ZMAT4: variants seen among roughly 807,000 people sequenced by gnomAD.
ZMAT4 encodes the protein zinc finger matrin-type 4, also known as zinc finger matrin-type protein 4.
In ZMAT4, 17 loss-of-function variants were observed where a neutral mutation model predicts 28.7. The ratio of observed to expected loss-of-function variants is 0.59; its 90% CI spans 0.41 to 0.89. The LOEUF is 0.89. Ranked by LOEUF, ZMAT4 falls within the 40% of genes least tolerant of loss-of-function variation. The pLI, the probability that ZMAT4 is intolerant of heterozygous loss-of-function variation, is 0.00. For missense variants in ZMAT4, 240 were observed against 283.8 expected, an observed-to-expected ratio of 0.85 and a Z score of 1.11; for synonymous variants, 117 against 109.2, an observed-to-expected ratio of 1.07 and a Z score of -0.44.
At chr8:40,742,219 G>T (rs1000319508) in intron 3 of ZMAT4, among the ~76,000 whole-genome samples, 1 of 151,900 alleles carries the variant, frequency 6.6e-6, no homozygotes, top group African/African-American at 2.4e-5. Flanking sequence ...CCGCACTCCA[G>T]CCTGGGTGAC....
At chr8:40,623,695 T>A (rs532461856) in intron 5 of ZMAT4, among the ~76,000 whole-genome samples, 1 of 152,254 alleles carries the variant, frequency 6.6e-6, no homozygotes, top group African/African-American at 2.4e-5. Flanking sequence ...TCTTGGTTGT[T>A]GGAAATCTGT....
chr8:40,814,664 A>G (rs1171294008), intron 2 of ZMAT4, among the ~76,000 whole-genome samples: 1 of 152,214 alleles, frequency 6.6e-6, no homozygotes, highest in Non-Finnish European at 1.5e-5. Context: ...CATTTCTGAA[A>G]AAGATATAAA....
At position 40,613,807 on chromosome 8, in the gene ZMAT4, C is replaced by T. The variant is rs529721750; in HGVS notation, c.578-32546G>A. ...TTGAGGGAATCACTGCACTGGAGGG[C>T]GTGGAATTAGCATCCAAGCCAGCCT... On this transcript the variant is annotated intron_variant, in intron 5 of 6. Coordinates refer to ENST00000297737, the MANE Select transcript of ZMAT4 (RefSeq NM_024645.3). 3.5e-4 allele frequency among the ~76,000 whole-genome samples: 53 copies of T among 152,256 alleles called. 2 individuals carry two copies. The South Asian group carries it at 9.3e-3, about 27-fold the overall frequency.
chr8:40,596,661 C>G (rs778438089), intron 5 of ZMAT4, among the ~76,000 whole-genome samples: 4 of 152,104 alleles, frequency 2.6e-5, no homozygotes, highest in African/African-American at 4.8e-5. Context: ...TTGACAAAAC[C>G]TTGTTATGTG....
chr8:40,685,320 C>A (rs1237691077), intron 4 of ZMAT4, among the ~76,000 whole-genome samples: 2 of 152,138 alleles, frequency 1.3e-5, no homozygotes, highest in Non-Finnish European at 2.9e-5. Context: ...CACCCCTACA[C>A]CACTGCTTCT....
At chr8:40,824,743 GAAAAGAAAAA>G (rs1563510120) in intron 2 of ZMAT4, among the ~76,000 whole-genome samples, 2 of 138,160 alleles carry the variant, frequency 1.4e-5, no homozygotes, top group African/African-American at 5.4e-5. Context: ...AAGAAAGAAA[GAAAAGAAAAA>G]AAGAAAGAAA....
chr8:40,823,307 A>G (rs1033046768), intron 2 of ZMAT4, among the ~76,000 whole-genome samples: 1 of 152,190 alleles, frequency 6.6e-6, no homozygotes, highest in Non-Finnish European at 1.5e-5. Context: ...ATGGGAGGCT[A>G]TGGAATTTCA....
At chr8:40,622,256 G>T (rs1265149841) in intron 5 of ZMAT4, among the ~76,000 whole-genome samples, 1 of 152,180 alleles carries the variant, frequency 6.6e-6, no homozygotes. Flanking sequence ...TACTTTACTT[G>T]TATCTGCCCA....
chr8:40,558,331 G>A (rs753012795), intron 6 of ZMAT4, among the ~76,000 whole-genome samples: 9 of 152,134 alleles, frequency 5.9e-5, no homozygotes, highest in Non-Finnish European at 1.0e-4. Context: ...CTGCTGTGAG[G>A]AATGGCACAT....
At chr8:40,883,571 G>A (rs1406853929) in intron 1 of ZMAT4, among the ~76,000 whole-genome samples, 2 of 152,140 alleles carry the variant, frequency 1.3e-5, no homozygotes, top group African/African-American at 4.8e-5. Flanking sequence ...CTCTCTCCAA[G>A]ACAGTTTCTT....
chr8:40,743,395 A>T (rs1812093204), intron 3 of ZMAT4, among the ~76,000 whole-genome samples: 1 of 152,190 alleles, frequency 6.6e-6, no homozygotes. Context: ...CAGACAGCGG[A>T]TTGGAGGTTC....
intron 3 of ZMAT4, among the ~76,000 whole-genome samples, chr8:40,722,849 C>T (rs1174896162): frequency 6.6e-6 from 1 of 152,158 alleles, no homozygotes; most frequent in East Asian, 1.9e-4. Context: ...ACATCTCCAC[C>T]TGTGAGCGTC....
chr8:40,863,476 G>A (rs76037543), intron 1 of ZMAT4, among the ~76,000 whole-genome samples: 2,321 of 152,306 alleles, frequency 0.015, 29 homozygotes, highest in Middle Eastern at 0.037. Context: ...CCTCTGGCAC[G>A]TGGTGTGAAC....
chr8:40,609,653 G>C (rs1341045864), intron 5 of ZMAT4, among the ~76,000 whole-genome samples: 2 of 149,130 alleles, frequency 1.3e-5, no homozygotes, highest in African/African-American at 5.1e-5. Context: ...TGACAAAATA[G>C]TAAGGTAAGA....
intron 5 of ZMAT4, among the ~76,000 whole-genome samples, chr8:40,627,987 A>G (rs1806436746): frequency 6.6e-6 from 1 of 152,206 alleles, no homozygotes; most frequent in South Asian, 2.1e-4. Context: ...AGAGACTTCA[A>G]ACAAGCTTTG....
At chr8:40,686,456 C>A (rs1006649161) in intron 4 of ZMAT4, among the ~76,000 whole-genome samples, 8 of 151,824 alleles carry the variant, frequency 5.3e-5, no homozygotes, top group African/African-American at 1.9e-4. Flanking sequence ...CAGAGTGAGA[C>A]CCCTGTCTCA....
At chr8:40,881,559 A>T (rs1179242513) in intron 1 of ZMAT4, among the ~76,000 whole-genome samples, 4 of 100,892 alleles carry the variant, frequency 4.0e-5, no homozygotes, top group Admixed American at 2.1e-4. Context: ...AGAAAGAAAG[A>T]AAGAAAGAAA....
intron 5 of ZMAT4, among the ~76,000 whole-genome samples, chr8:40,651,715 TA>T (rs1254927078): frequency 6.6e-6 from 1 of 151,744 alleles, no homozygotes; most frequent in African/African-American, 2.4e-5. Flanking sequence ...GCATGTTTGG[TA>T]CTGGTACCAA....
intron 1 of ZMAT4, among the ~76,000 whole-genome samples, chr8:40,876,445 T>G (rs1467691404): frequency 2.6e-5 from 4 of 152,006 alleles, no homozygotes; most frequent in Non-Finnish European, 5.9e-5. Flanking sequence ...CCCCAGTAGA[T>G]GCAACTATAG....
Sources: allele counts gnomAD v4.1 joint callset (sites outside exome capture counted in the v4.1 genomes callset), GRCh38; gene constraint gnomAD v4.1.1; transcripts MANE v1.5; gene names NCBI Gene and HGNC (gene_info 2026-07-23, HGNC 2026-07-21).